The following GIPC2 variants were observed in gnomAD, a reference collection of about 807,000 sequenced individuals.
GIPC2 encodes PDZ domain-containing protein GIPC2.
Under a neutral mutation model 30.6 loss-of-function variants are expected in GIPC2, and 30 were observed. The ratio of observed to expected loss-of-function variants is 0.98; its 90% confidence interval spans 0.73 to 1.33. GIPC2 has a LOEUF of 1.33. Among genes scored for constraint, GIPC2 ranks in the 40% most tolerant of loss-of-function variants. The pLI is 0.00. For missense variants in GIPC2, 414 were observed against 390.3 expected (o/e 1.06, Z -0.51); for synonymous variants, 167 against 150.0 (o/e 1.11, Z -0.83).
intron 3 of GIPC2, among the ~76,000 whole-genome samples, chr1:78,110,515 A>T (rs529858623): frequency 6.6e-6 from 1 of 152,240 alleles, no homozygotes; most frequent in Non-Finnish European, 1.5e-5. Context: ...CTTAATGCCA[A>T]AGTCCTTTGC....
At chr1:78,076,105 G>A (rs537237937) in intron 1 of GIPC2, among the ~76,000 whole-genome samples, 3 of 152,174 alleles carry the variant, frequency 2.0e-5, no homozygotes, top group Non-Finnish European at 4.4e-5. Flanking sequence ...CCCCCAATAA[G>A]TTCATTCTTG....
At chr1:78,119,537 A>G in intron 4 of GIPC2, 38 bp downstream of exon 4, 1 of 1,234,794 alleles carries the variant, frequency 8.1e-7, no homozygotes, top group Non-Finnish European at 1.2e-6. Flanking sequence ...CTGCTTGGAA[A>G]TGTTGAGTTA....
At chr1:78,117,777 A>C (rs1662595951) in intron 3 of GIPC2, among the ~76,000 whole-genome samples, 1 of 152,140 alleles carries the variant, frequency 6.6e-6, no homozygotes, top group African/African-American at 2.4e-5. Flanking sequence ...AGAGGTTATA[A>C]ATTAGTATCC....
chr1:78,117,353 G>A (rs1033310493), intron 3 of GIPC2, among the ~76,000 whole-genome samples: 17 of 152,146 alleles, frequency 1.1e-4, no homozygotes, highest in Admixed American at 2.6e-4. Context: ...GTTCTTTAGT[G>A]CAGGGGTCCC....
At chr1:78,129,350 A>G (rs1557552702) in intron 5 of GIPC2, among the ~76,000 whole-genome samples, 1 of 152,236 alleles carries the variant, frequency 6.6e-6, no homozygotes, top group African/African-American at 2.4e-5. Context: ...TAACAGACAA[A>G]TATATTTACT....
intron 4 of GIPC2, 80 bp downstream of exon 4, chr1:78,119,579 G>A: frequency 4.7e-6 from 4 of 843,408 alleles, no homozygotes; most frequent in Non-Finnish European, 7.8e-6. Flanking sequence ...ACCAAAACTT[G>A]GACTTTTAAT....
intron 5 of GIPC2, among the ~76,000 whole-genome samples, chr1:78,133,551 T>C (rs1024656874): frequency 2.6e-5 from 4 of 152,044 alleles, no homozygotes; most frequent in African/African-American, 9.7e-5. Flanking sequence ...AGAAGGATTT[T>C]GATGGTGGTG....
chr1:78,087,923 C>T (rs1323316937), intron 2 of GIPC2, among the ~76,000 whole-genome samples: 1 of 151,962 alleles, frequency 6.6e-6, no homozygotes, highest in Non-Finnish European at 1.5e-5. Flanking sequence ...AAAGACAACT[C>T]CATTAAAAAG....
At chr1:78,116,215 G>T (rs1452682001) in intron 3 of GIPC2, among the ~76,000 whole-genome samples, 1 of 152,154 alleles carries the variant, frequency 6.6e-6, no homozygotes, top group Non-Finnish European at 1.5e-5. Flanking sequence ...ACTATCATGA[G>T]AACAGCATGG....
At chr1:78,110,261 G>A (rs1375959328) in intron 3 of GIPC2, among the ~76,000 whole-genome samples, 6 of 152,062 alleles carry the variant, frequency 3.9e-5, no homozygotes, top group Middle Eastern at 6.9e-3. Flanking sequence ...AGAGATATCT[G>A]AAAATGGGGG....
chr1:78,052,076 C>T (rs946197979), intron 1 of GIPC2, among the ~76,000 whole-genome samples: 1 of 152,150 alleles, frequency 6.6e-6, no homozygotes, highest in Non-Finnish European at 1.5e-5. Flanking sequence ...TCCTTCTGCT[C>T]CAGCCAGACT....
intron 2 of GIPC2, among the ~76,000 whole-genome samples, chr1:78,089,282 G>C (rs551649375): frequency 1.3e-5 from 2 of 152,208 alleles, no homozygotes; most frequent in South Asian, 4.1e-4. Flanking sequence ...GTGTAACATT[G>C]GCCAAGGCAT....
chr1:78,110,602 T>C (rs1370029846), intron 3 of GIPC2, among the ~76,000 whole-genome samples: 1 of 152,178 alleles, frequency 6.6e-6, no homozygotes, highest in East Asian at 1.9e-4. Context: ...CTGGAAGGGA[T>C]AGAGAACGAA....
At chr1:78,094,663 A>G in intron 2 of GIPC2, 1 of 208,384 alleles carries the variant, frequency 4.8e-6, no homozygotes, top group Non-Finnish European at 9.7e-6. Context: ...GATAAGGAAG[A>G]CGAAGAATGG....
At chr1:78,071,474 G>T (rs529463818) in intron 1 of GIPC2, among the ~76,000 whole-genome samples, 16 of 145,810 alleles carry the variant, frequency 1.1e-4, no homozygotes, top group African/African-American at 3.3e-4. Context: ...CTTCTAGAAG[G>T]TTTTTTTTTT....
intron 4 of GIPC2, among the ~76,000 whole-genome samples, chr1:78,125,389 C>A (rs1662764342): frequency 6.6e-6 from 1 of 151,892 alleles, no homozygotes; most frequent in Non-Finnish European, 1.5e-5. Flanking sequence ...GGAGTCTCAC[C>A]ATGTTGCCTG....
chr1:78,083,158 A>G (rs909326490), intron 2 of GIPC2, among the ~76,000 whole-genome samples: 4 of 151,954 alleles, frequency 2.6e-5, no homozygotes, highest in Admixed American at 2.6e-4. Context: ...CCAATTTAGG[A>G]TCCTGTATTT....
chr1:78,053,767 C>CAA (rs1370441660), intron 1 of GIPC2, among the ~76,000 whole-genome samples: 1 of 96,064 alleles, frequency 1.0e-5, no homozygotes. Context: ...AAAAAAAAAG[C>CAA]CAAAAAAAAA....
intron 1 of GIPC2, among the ~76,000 whole-genome samples, chr1:78,052,367 A>T (rs1403728123): frequency 6.6e-6 from 1 of 152,190 alleles, no homozygotes; most frequent in East Asian, 1.9e-4. Context: ...TTGTTTACTG[A>T]TGTGGCCCTC....
Sources: gnomAD v4.1 joint callset for allele counts (sites outside exome capture counted in the v4.1 genomes callset) on GRCh38, gnomAD v4.1.1 for gene constraint, MANE v1.5 for transcripts, NCBI Gene and HGNC (gene_info 2026-07-23, HGNC 2026-07-21) for gene names.